SCN2B: variants seen among roughly 807,000 people sequenced by gnomAD.
SCN2B encodes the protein sodium channel regulatory subunit beta-2.
SCN2B carries 14 observed loss-of-function variants against 18.2 expected under a neutral mutation model. The observed-to-expected ratio is 0.77, with a 90% CI of 0.51 to 1.21. The LOEUF (loss-of-function observed/expected upper bound fraction) is 1.21, where lower values mean the gene tolerates loss of function less well. Among genes scored for constraint, SCN2B ranks in the 50% most tolerant of loss-of-function variants. The probability of loss-of-function intolerance (pLI) is 0.00; values close to 1 mark genes in which losing one functional copy is unlikely to be tolerated. For missense variants in SCN2B, 262 were observed against 286.9 expected, an observed-to-expected ratio of 0.91 and a Z score of 0.63; for synonymous variants, 115 against 115.3, an observed-to-expected ratio of 1.00 and a Z score of 0.02.
chr11:118,168,803 G>A lies in SCN2B; in HGVS notation c.71-52C>T. ...GGAGTCTGGCTGAAAGGGCTGGGGAGGGGCAAGCCCTCTGTGCCTGGGAGT... is the reference window on the plus strand; with the variant it reads ...GGAGTCTGGCTGAAAGGGCTGGGGAAGGGCAAGCCCTCTGTGCCTGGGAGT... On this transcript the variant is annotated intron_variant, in intron 1 of 3. Coordinates refer to ENST00000278947, the MANE Select transcript of SCN2B (RefSeq NM_004588.5). The surrounding 1 kb of genome is among the most constrained non-coding windows in gnomAD (Gnocchi z 4.7). 4 of 1,600,832 alleles carry A rather than the reference G, an allele frequency of 2.5e-6. No homozygotes were observed. The highest frequency in any genetic ancestry group is 3.4e-6 in the Non-Finnish European group (4 of 1,168,896).
At position 118,166,981 on chromosome 11, in the gene SCN2B, C is replaced by T. The variant is rs759084475; in HGVS notation, c.554G>A (p.Arg185Lys). The T allele has an allele frequency of 3.1e-6, 5 of 1,613,918 alleles. No homozygotes were observed. The highest frequency in any genetic ancestry group is 4.2e-6 in the Non-Finnish European group (5 of 1,180,006). ...TGTGCTCAGCTTCTGCTCTTTTTTTCTCCTCACACACTTGACCACCATCAG... is the reference window on the plus strand; with the variant it reads ...TGTGCTCAGCTTCTGCTCTTTTTTTTTCCTCACACACTTGACCACCATCAG... ...LVLMVVKCVR[R>K]KKEQKLSTDD... The change falls in exon 4 of 4, where the codon AGA (arginine) becomes AAA (lysine). Residue 185 changes from arginine (R) to lysine (K), a missense_variant. Coordinates refer to ENST00000278947, the MANE Select transcript of SCN2B (RefSeq NM_004588.5).
Position 118,166,782 on chromosome 11 carries a change from G to T in SCN2B, c.*105C>A. ...TCAGGAGGCCCCAGGTGGGCCCTGGGGTCCTAGGTCACGGGAAGCACACCA... is the reference window on the plus strand; with the variant it reads ...TCAGGAGGCCCCAGGTGGGCCCTGGTGTCCTAGGTCACGGGAAGCACACCA... On this transcript the variant is annotated 3_prime_UTR_variant, in exon 4 of 4. Transcript: ENST00000278947. 2 of 1,416,440 alleles carry T rather than the reference G, an allele frequency of 1.4e-6. No homozygotes were observed. The allele number at this position is 1,416,440 out of a possible 1,614,324, so 87.7% of individuals were successfully genotyped here.
intron 1 of SCN2B, among the ~76,000 whole-genome samples, chr11:118,169,888 T>C (rs1050923073): frequency 6.6e-6 from 1 of 152,132 alleles, no homozygotes; most frequent in African/African-American, 2.4e-5. Flanking sequence ...TTAAGGGGCA[T>C]CCACTGCCTG....
In SCN2B at chr11:118,166,625, C is replaced by A. The variant is rs902049258; in HGVS notation, c.*262G>T. ...CCCTCACATGTGCCTCCTGCCTCCC[C>A]CCAGGGACTGGCAGGTGGGAGCCCT... On this transcript the variant is annotated 3_prime_UTR_variant, in exon 4 of 4. Coordinates refer to ENST00000278947, the MANE Select transcript of SCN2B (RefSeq NM_004588.5). 3 of 542,766 alleles carry A rather than the reference C, an allele frequency of 5.5e-6. No individual in the cohort carries two copies. The highest frequency in any genetic ancestry group is 4.0e-5 in the South Asian group (2 of 49,418). 33.6% of individuals were successfully genotyped at this position (542,766 alleles called of 1,614,324 possible). A position where few individuals can be genotyped will look rare whatever the true frequency, so the allele number is the denominator to read the frequency against.
Position 118,168,027 on chromosome 11 carries a change from G to T in SCN2B, c.448+58C>A. 1.4e-6 allele frequency: 2 copies of T among 1,461,906 alleles called. No individual in the cohort carries two copies. The highest frequency in any genetic ancestry group is 9.5e-7 in the Non-Finnish European group (1 of 1,055,320). 90.6% of individuals were successfully genotyped at this position (1,461,906 alleles called of 1,614,324 possible). A position where few individuals can be genotyped will look rare whatever the true frequency, so the allele number is the denominator to read the frequency against. On this transcript the variant is annotated intron_variant, in intron 3 of 3. Coordinates refer to ENST00000278947, the MANE Select transcript of SCN2B (RefSeq NM_004588.5). This position sits in a 1 kb window ranked among gnomAD's most constrained non-coding sequence, Gnocchi z 4.7. Reference sequence around the variant, plus strand: ...CCCCAAAGTGCCCTGAGCAAATGCCGCAGAGAGTAGGTGGGTGGGAAAGGT... The same window carrying T: ...CCCCAAAGTGCCCTGAGCAAATGCCTCAGAGAGTAGGTGGGTGGGAAAGGT...
chr11:118,166,812 C>T lies in SCN2B; in HGVS notation c.*75G>A, dbSNP rs978188950. The T allele has an allele frequency of 1.9e-5, 30 of 1,581,738 alleles. No homozygotes were observed. Among genetic ancestry groups the T allele is most frequent in the African/African-American group, 5.4e-5 (4 of 74,380 alleles). Reference sequence around the variant, plus strand: ...TAGGTCACGGGAAGCACACCAAGAGCGAGCAGGCAGGGTCACTGTACAGGG... The same window carrying T: ...TAGGTCACGGGAAGCACACCAAGAGTGAGCAGGCAGGGTCACTGTACAGGG... On this transcript the variant is annotated 3_prime_UTR_variant, in exon 4 of 4. Transcript: ENST00000278947.
At chr11:118,171,787 C>A (rs1168516717) in intron 1 of SCN2B, among the ~76,000 whole-genome samples, 1 of 152,226 alleles carries the variant, frequency 6.6e-6, no homozygotes, top group Admixed American at 6.5e-5. Flanking sequence ...AGGTACCGGG[C>A]GGAACACGCG....
intron 1 of SCN2B, among the ~76,000 whole-genome samples, chr11:118,170,582 A>G (rs1285012833): frequency 1.3e-5 from 2 of 151,950 alleles, no homozygotes; most frequent in South Asian, 4.2e-4. Flanking sequence ...GTTGGGGAGT[A>G]TGGGGGCTGC....
chr11:118,166,609 G>T lies in SCN2B; in HGVS notation c.*278C>A. On this transcript the variant is annotated 3_prime_UTR_variant, in exon 4 of 4. Transcript: ENST00000278947. ...CCCTTCTCTCTGGGGACCCTCACAT[G>T]TGCCTCCTGCCTCCCCCCAGGGACT... 2.0e-6 allele frequency: 1 copy of T among 509,652 alleles called. No homozygotes were observed. The highest frequency in any genetic ancestry group is 3.6e-5 in the East Asian group (1 of 27,994). The allele number at this position is 509,652 out of a possible 1,614,324, so 31.6% of individuals were successfully genotyped here. A position where few individuals can be genotyped will look rare whatever the true frequency, so the allele number is the denominator to read the frequency against.
Position 118,166,609 on chromosome 11 carries a change from G to GTGCCTCC in SCN2B, c.*271_*277dup. ...CCCTTCTCTCTGGGGACCCTCACATGTGCCTCCTGCCTCCCCCCAGGGACT... is the reference window on the plus strand; with the variant it reads ...CCCTTCTCTCTGGGGACCCTCACATGTGCCTCCTGCCTCCTGCCTCCCCCCAGGGACT... On this transcript the variant is annotated 3_prime_UTR_variant, in exon 4 of 4. Coordinates refer to ENST00000278947, the MANE Select transcript of SCN2B (RefSeq NM_004588.5). 2.0e-6 allele frequency: 1 copy of GTGCCTCC among 509,652 alleles called. No individual in the cohort carries two copies. Among genetic ancestry groups the GTGCCTCC allele is most frequent in the South Asian group, 2.1e-5 (1 of 48,698 alleles). 31.6% of individuals were successfully genotyped at this position (509,652 alleles called of 1,614,324 possible). A position where few individuals can be genotyped will look rare whatever the true frequency, so the allele number is the denominator to read the frequency against.
intron 1 of SCN2B, among the ~76,000 whole-genome samples, chr11:118,171,786 G>T (rs1948433470): frequency 6.6e-6 from 1 of 152,230 alleles, no homozygotes; most frequent in South Asian, 2.1e-4. Flanking sequence ...AAGGTACCGG[G>T]CGGAACACGC....
Position 118,164,586 on chromosome 11 carries a change from T to C in SCN2B, c.*2301A>G, listed in dbSNP as rs1225708062. 4 of 152,986 alleles carry C rather than the reference T, an allele frequency of 2.6e-5. No individual in the cohort carries two copies. Among genetic ancestry groups the C allele is most frequent in the African/African-American group, 9.6e-5 (4 of 41,478 alleles). The allele number at this position is 152,986 out of a possible 1,614,324, so 9.5% of individuals were successfully genotyped here. A position where few individuals can be genotyped will look rare whatever the true frequency, so the allele number is the denominator to read the frequency against. On this transcript the variant is annotated 3_prime_UTR_variant, in exon 4 of 4. Transcript: ENST00000278947. ...CCTCTGCACCCTTGACCCTGTTGTATTGCCCCTCTTCCCTGCTGTTTCTCC... is the reference window on the plus strand; with the variant it reads ...CCTCTGCACCCTTGACCCTGTTGTACTGCCCCTCTTCCCTGCTGTTTCTCC...
At position 118,167,155 on chromosome 11, in the gene SCN2B, G is replaced by A. The variant is rs545924986; in HGVS notation, c.449-69C>T. 1.8e-5 allele frequency: 27 copies of A among 1,487,296 alleles called. 1 individual carries two copies. Among genetic ancestry groups the A allele is most frequent in the African/African-American group, 4.1e-5 (3 of 72,708 alleles). 92.1% of individuals were successfully genotyped at this position (1,487,296 alleles called of 1,614,324 possible). A position where few individuals can be genotyped will look rare whatever the true frequency, so the allele number is the denominator to read the frequency against. On this transcript the variant is annotated intron_variant, in intron 3 of 3. Coordinates refer to ENST00000278947, the MANE Select transcript of SCN2B (RefSeq NM_004588.5). ...GGCCTCCCCCATCACCCCACTACCC[G>A]TGGCATGCGTGGAACCATCCTGACT...
In SCN2B at chr11:118,168,278, C is replaced by A. The variant is rs767512158; in HGVS notation, c.255G>T (p.Met85Ile). The A allele has an allele frequency of 1.1e-5, 17 of 1,614,208 alleles. No individual in the cohort carries two copies. Among genetic ancestry groups the A allele is most frequent in the Non-Finnish European group, 1.4e-5 (17 of 1,180,034 alleles). Reference sequence around the variant, plus strand: ...GCTCCAGCTTCAGGTTAATGATCTTCATGCGGAACTGGAGGAACTGGGGTT... The same window carrying A: ...GCTCCAGCTTCAGGTTAATGATCTTAATGCGGAACTGGAGGAACTGGGGTT... ...CSEEMFLQFR[M>I]KIINLKLERF... The change falls in exon 3 of 4, where the codon ATG (methionine) becomes ATT (isoleucine). Residue 85 changes from methionine to isoleucine, a missense_variant. Coordinates refer to ENST00000278947, the MANE Select transcript of SCN2B (RefSeq NM_004588.5). This position sits in a 1 kb window ranked among gnomAD's most constrained non-coding sequence, Gnocchi z 4.7.
chr11:118,172,771 T>C (rs1294402383), intron 1 of SCN2B, among the ~76,000 whole-genome samples: 1 of 152,252 alleles, frequency 6.6e-6, no homozygotes, highest in East Asian at 1.9e-4. Context: ...CTAGCCCATC[T>C]TGCAGAGACT....
chr11:118,168,421 C>G lies in SCN2B; in HGVS notation c.238-126G>C, dbSNP rs998558005. On this transcript the variant is annotated intron_variant, in intron 2 of 3. Transcript: ENST00000278947. This position sits in a 1 kb window ranked among gnomAD's most constrained non-coding sequence, Gnocchi z 4.7. ...GAGAGGCAGTTACCTCTGTGAGGCA[C>G]CTGGATGCGCAGCACACCTTGTTTC... 1.7e-5 allele frequency: 21 copies of G among 1,252,474 alleles called. No homozygotes were observed. The highest frequency in any genetic ancestry group is 2.3e-5 in the Non-Finnish European group (20 of 854,576). 77.6% of individuals were successfully genotyped at this position (1,252,474 alleles called of 1,614,324 possible).
chr11:118,169,021 A>T (rs1366703614), intron 1 of SCN2B, among the ~76,000 whole-genome samples: 1 of 152,032 alleles, frequency 6.6e-6, no homozygotes, highest in Non-Finnish European at 1.5e-5. Flanking sequence ...TCAGCCTCCC[A>T]AGTAGCTGGG....
chr11:118,172,548 C>A (rs945959284), intron 1 of SCN2B, among the ~76,000 whole-genome samples: 1 of 152,220 alleles, frequency 6.6e-6, no homozygotes, highest in Non-Finnish European at 1.5e-5. Flanking sequence ...TTTAAAGGAA[C>A]CTCCATACAA....
Position 118,168,126 on chromosome 11 carries a change from TG to T in SCN2B, c.406del (p.His136ThrfsTer25), listed in dbSNP as rs1948399988. 3.7e-6 allele frequency: 6 copies of T among 1,614,162 alleles called. No homozygotes were observed. Among genetic ancestry groups the T allele is most frequent in the African/African-American group, 1.3e-5 (1 of 75,048 alleles). On this transcript the variant is annotated frameshift_variant, in exon 3 of 4. Transcript: ENST00000278947. LOFTEE classifies it high-confidence loss of function. The surrounding 1 kb of genome is among the most constrained non-coding windows in gnomAD (Gnocchi z 4.7). The stretch of plus-strand genomic sequence containing the variant: ...CAGATGGATCTTGCCATGGCCACGG[TG>T]GCGGTCAGGGGGGTTCATGATGTAG... ...NCYIMNPPDR[H>X]RGHGKIHLQV...
Sources: allele counts gnomAD v4.1 joint callset (sites outside exome capture counted in the v4.1 genomes callset), GRCh38; gene constraint gnomAD v4.1.1; non-coding constraint Gnocchi (gnomAD v3.1); transcripts MANE v1.5; gene names NCBI Gene and HGNC (gene_info 2026-07-23, HGNC 2026-07-21).